Variants in PCDH9 observed in about 807,000 individuals in gnomAD.
The protein encoded by PCDH9 is protocadherin 9, also known as protocadherin-9.
In PCDH9, 24 loss-of-function variants were observed where a neutral mutation model predicts 70.6. That is an observed-to-expected ratio of 0.34 (90% CI 0.25 to 0.48). The LOEUF is 0.48. Ranked by LOEUF, PCDH9 falls within the 20% of genes least tolerant of loss-of-function variation. PCDH9 has a pLI of 0.99. For missense variants in PCDH9, 1,281 were observed against 1,503.6 expected (o/e 0.85, Z 2.45); for synonymous variants, 562 against 558.5 (o/e 1.01, Z -0.09).
chr13:66,935,146 G>A (rs931765142), intron 2 of PCDH9, among the ~76,000 whole-genome samples: 1 of 151,766 alleles, frequency 6.6e-6, no homozygotes, highest in African/African-American at 2.4e-5. Context: ...CTGCAGCCTC[G>A]ACACCCGGGG....
At chr13:66,362,444 G>T (rs1303285800) in intron 4 of PCDH9, among the ~76,000 whole-genome samples, 2 of 152,086 alleles carry the variant, frequency 1.3e-5, no homozygotes, top group East Asian at 1.9e-4. Flanking sequence ...CAACATTACA[G>T]ATATCTTACT....
At chr13:66,834,157 C>CTTTTTT (rs11431335) in intron 3 of PCDH9, among the ~76,000 whole-genome samples, 2 of 124,556 alleles carry the variant, frequency 1.6e-5, no homozygotes, top group Non-Finnish European at 3.3e-5. Flanking sequence ...TACCTATGGT[C>CTTTTTT]TTTTTTTTTT....
At chr13:66,628,957 C>A (rs541629975) in intron 4 of PCDH9, among the ~76,000 whole-genome samples, 158 of 152,212 alleles carry the variant, frequency 1.0e-3, no homozygotes, top group East Asian at 3.9e-3. Context: ...CCTTTGCTTT[C>A]TAGTTGAAAT....
intron 3 of PCDH9, among the ~76,000 whole-genome samples, chr13:66,703,587 A>C (rs2078674556): frequency 6.6e-6 from 1 of 152,072 alleles, no homozygotes; most frequent in Non-Finnish European, 1.5e-5. Flanking sequence ...ATGGACAGAT[A>C]GATTAATTGA....
chr13:66,967,023 G>A (rs1403621312), intron 2 of PCDH9, among the ~76,000 whole-genome samples: 1 of 151,968 alleles, frequency 6.6e-6, no homozygotes, highest in Admixed American at 6.6e-5. Context: ...TAAACTGGCA[G>A]ATCAATGTAA....
At chr13:66,358,369 G>C (rs1956418325) in intron 4 of PCDH9, among the ~76,000 whole-genome samples, 1 of 151,878 alleles carries the variant, frequency 6.6e-6, no homozygotes, top group South Asian at 2.1e-4. Context: ...TAATTTAGCA[G>C]ATTTCATTCA....
chr13:66,366,857 G>C (rs770010148), intron 4 of PCDH9, among the ~76,000 whole-genome samples: 1 of 152,044 alleles, frequency 6.6e-6, no homozygotes, highest in African/African-American at 2.4e-5. Flanking sequence ...GTTCACCTGA[G>C]TTAGTTTTAT....
chr13:66,806,011 AC>A (rs1431292726), intron 3 of PCDH9, among the ~76,000 whole-genome samples: 1 of 149,806 alleles, frequency 6.7e-6, no homozygotes, highest in African/African-American at 2.6e-5. Context: ...AAACAGCATG[AC>A]TTTTATGCAC....
chr13:66,641,947 A>G (rs2077714163), intron 3 of PCDH9, among the ~76,000 whole-genome samples: 1 of 152,186 alleles, frequency 6.6e-6, no homozygotes, highest in African/African-American at 2.4e-5. Context: ...GGTTTCAATG[A>G]AAATATTGTT....
At chr13:66,393,050 G>C (rs1304332506) in intron 4 of PCDH9, among the ~76,000 whole-genome samples, 1 of 152,088 alleles carries the variant, frequency 6.6e-6, no homozygotes, top group Non-Finnish European at 1.5e-5. Flanking sequence ...TCTGTGCTCT[G>C]AATATTTCAC....
intron 2 of PCDH9, among the ~76,000 whole-genome samples, chr13:67,053,622 T>G (rs919055236): frequency 6.6e-6 from 1 of 152,226 alleles, no homozygotes; most frequent in African/African-American, 2.4e-5. Context: ...TCTCCTTCTA[T>G]ATTTGTGCAC....
chr13:67,063,881 T>C lies in PCDH9; in HGVS notation c.3037-160276A>G, dbSNP rs74590891. On this transcript the variant is annotated intron_variant, in intron 2 of 4. Transcript: ENST00000377865. Reference sequence around the variant, plus strand: ...ATAGGTTGCAGAGTGATAGGTACTATGAGGAATTGATATGATATTTATATA... The same window carrying C: ...ATAGGTTGCAGAGTGATAGGTACTACGAGGAATTGATATGATATTTATATA... 5.6e-3 allele frequency among the ~76,000 whole-genome samples: 855 copies of C among 152,268 alleles called. 4 individuals carry two copies. Among genetic ancestry groups the C allele is most frequent in the Non-Finnish European group, 8.9e-3 (608 of 68,006 alleles).
intron 2 of PCDH9, chr13:67,208,635 A>G (rs2089405547): frequency 6.6e-6 from 1 of 152,184 alleles, no homozygotes; most frequent in South Asian, 2.1e-4. Flanking sequence ...CTATAAGTAA[A>G]TTTACTACTG....
At chr13:66,474,645 A>G (rs1958685656) in intron 4 of PCDH9, among the ~76,000 whole-genome samples, 1 of 152,148 alleles carries the variant, frequency 6.6e-6, no homozygotes, top group Admixed American at 6.5e-5. Flanking sequence ...TTTAAAACAT[A>G]CAGACACAGT....
intron 2 of PCDH9, among the ~76,000 whole-genome samples, chr13:67,063,934 T>C (rs1336383120): frequency 6.6e-6 from 1 of 152,054 alleles, no homozygotes; most frequent in African/African-American, 2.4e-5. Context: ...TATAGGAAAA[T>C]TGTAGAGAGA....
At chr13:66,931,336 C>T (rs2082804520) in intron 2 of PCDH9, among the ~76,000 whole-genome samples, 1 of 152,032 alleles carries the variant, frequency 6.6e-6, no homozygotes, top group Non-Finnish European at 1.5e-5. Context: ...TACATGGGGT[C>T]TCCTTTACAA....
intron 3 of PCDH9, among the ~76,000 whole-genome samples, chr13:66,883,421 T>A (rs1282562678): frequency 5.3e-5 from 8 of 152,066 alleles, no homozygotes; most frequent in African/African-American, 1.9e-4. Flanking sequence ...TTTTCAGGTA[T>A]CCAATGAATG....
chr13:66,822,854 T>C (rs192172555), intron 3 of PCDH9, among the ~76,000 whole-genome samples: 11 of 152,216 alleles, frequency 7.2e-5, no homozygotes, highest in Admixed American at 2.0e-4. Context: ...ACTCTTATTA[T>C]ATTAAAGGGA....
At chr13:66,885,246 CTTTTTGCCCTGTTAGAGCATACAG>C (rs1222446235) in intron 3 of PCDH9, among the ~76,000 whole-genome samples, 1 of 152,134 alleles carries the variant, frequency 6.6e-6, no homozygotes, top group Non-Finnish European at 1.5e-5. Flanking sequence ...CTTCTTCCAA[CTTTTTGCCCTGTTAGAGCATACAG>C]TTCAAAATGG....
Sources: allele counts gnomAD v4.1 joint callset (sites outside exome capture counted in the v4.1 genomes callset), GRCh38; gene constraint gnomAD v4.1.1; transcripts MANE v1.5; gene names NCBI Gene and HGNC (gene_info 2026-07-23, HGNC 2026-07-21).